The following MAGI2 variants were observed in gnomAD, a reference collection of about 807,000 sequenced individuals.
MAGI2 encodes membrane associated guanylate kinase, WW and PDZ domain containing 2.
Under a neutral mutation model 133.3 loss-of-function variants are expected in MAGI2, and 35 were observed. The observed-to-expected ratio is 0.26, with a 90% CI of 0.20 to 0.35. The LOEUF is 0.35. Among genes scored for constraint, MAGI2 ranks in the 10% least tolerant of loss-of-function variants. MAGI2 has a pLI of 1.00. For synonymous variants in MAGI2, 729 were observed against 710.6 expected, an observed-to-expected ratio of 1.03 and a Z score of -0.41; for missense variants, 1,636 against 1,863.4, an observed-to-expected ratio of 0.88 and a Z score of 2.25.
At chr7:78,031,852 G>A in intron 21 of MAGI2, among the ~76,000 whole-genome samples, 1 of 152,022 alleles carries the variant, frequency 6.6e-6, no homozygotes, top group Admixed American at 6.5e-5. Context: ...TACCTTCTGG[G>A]GTATTCATGA....
intron 2 of MAGI2, among the ~76,000 whole-genome samples, chr7:78,739,444 G>C (rs1354499639): frequency 1.3e-5 from 2 of 152,136 alleles, no homozygotes; most frequent in African/African-American, 4.8e-5. Flanking sequence ...ATAGAACGAG[G>C]TGCCACTACT....
chr7:79,022,056 A>T (rs1324191389), intron 1 of MAGI2, among the ~76,000 whole-genome samples: 1 of 152,114 alleles, frequency 6.6e-6, no homozygotes, highest in Admixed American at 6.6e-5. Context: ...GGTGCCCTCC[A>T]CCATGATTAT....
At chr7:78,174,903 C>A (rs1826445380) in intron 14 of MAGI2, among the ~76,000 whole-genome samples, 1 of 152,178 alleles carries the variant, frequency 6.6e-6, no homozygotes, top group African/African-American at 2.4e-5. Context: ...ACCCTGGACA[C>A]CAAAGCTTGG....
intron 9 of MAGI2, among the ~76,000 whole-genome samples, chr7:78,307,891 C>T (rs989980725): frequency 8.5e-5 from 13 of 152,090 alleles, no homozygotes; most frequent in African/African-American, 2.9e-4. Context: ...AAAAGAGGGG[C>T]CCTCATTATT....
chr7:78,373,830 A>C (rs1206341635), intron 6 of MAGI2, among the ~76,000 whole-genome samples: 1 of 152,126 alleles, frequency 6.6e-6, no homozygotes, highest in Non-Finnish European at 1.5e-5. Context: ...GCTCCCACTT[A>C]TAAGTGAGAA....
At chr7:78,845,858 G>A (rs563003669) in intron 2 of MAGI2, among the ~76,000 whole-genome samples, 2 of 151,994 alleles carry the variant, frequency 1.3e-5, no homozygotes, top group African/African-American at 4.8e-5. Flanking sequence ...GAACAGATTG[G>A]GTCAGAGGGG....
At chr7:79,428,489 A>C (rs924561003) in intron 1 of MAGI2, among the ~76,000 whole-genome samples, 4 of 152,156 alleles carry the variant, frequency 2.6e-5, no homozygotes, top group African/African-American at 9.7e-5. Context: ...GCTGATATTT[A>C]TTTTGTAGGA....
intron 2 of MAGI2, among the ~76,000 whole-genome samples, chr7:78,738,556 C>A (rs184854945): frequency 6.6e-6 from 1 of 152,162 alleles, no homozygotes; most frequent in Admixed American, 6.5e-5. Flanking sequence ...AATAAAACTG[C>A]AGGCTAATAT....
intron 1 of MAGI2, among the ~76,000 whole-genome samples, chr7:79,287,415 T>C (rs988495497): frequency 1.3e-5 from 2 of 152,034 alleles, no homozygotes; most frequent in Non-Finnish European, 2.9e-5. Context: ...CTTAGACGCC[T>C]CCCTCCCAAC....
At chr7:79,117,027 T>C (rs1427860061) in intron 1 of MAGI2, among the ~76,000 whole-genome samples, 2 of 152,200 alleles carry the variant, frequency 1.3e-5, no homozygotes, top group Non-Finnish European at 2.9e-5. Flanking sequence ...GAGTAATGAC[T>C]GTCTTGCAGT....
chr7:78,417,358 C>T (rs948114031), intron 6 of MAGI2, among the ~76,000 whole-genome samples: 18 of 151,712 alleles, frequency 1.2e-4, no homozygotes, highest in African/African-American at 3.9e-4. Context: ...TCATGATTGA[C>T]GGGTGTGTGG....
chr7:79,010,111 A>G (rs1025580197), intron 1 of MAGI2, among the ~76,000 whole-genome samples: 3 of 152,050 alleles, frequency 2.0e-5, no homozygotes, highest in Non-Finnish European at 2.9e-5. Context: ...ATATACACAT[A>G]TATACACATA....
At chr7:78,572,114 G>A (rs79787894) in intron 3 of MAGI2, among the ~76,000 whole-genome samples, 2,250 of 152,144 alleles carry the variant, frequency 0.015, 55 homozygotes, top group African/African-American at 0.048. Flanking sequence ...AGAGGCAATA[G>A]CAAATCATCG....
At chr7:78,261,032 G>C (rs923585307) in intron 9 of MAGI2, among the ~76,000 whole-genome samples, 1 of 152,038 alleles carries the variant, frequency 6.6e-6, no homozygotes, top group Non-Finnish European at 1.5e-5. Context: ...GTGGCCTACA[G>C]AATCTTCCTT....
intron 1 of MAGI2, among the ~76,000 whole-genome samples, chr7:79,026,828 C>T (rs1276654396): frequency 2.0e-5 from 3 of 148,374 alleles, no homozygotes; most frequent in East Asian, 2.0e-4. Context: ...AAGCCAAGAT[C>T]GGCAATCCAG....
chr7:78,288,950 C>T (rs777966675), intron 9 of MAGI2, among the ~76,000 whole-genome samples: 5 of 152,160 alleles, frequency 3.3e-5, no homozygotes, highest in Admixed American at 6.5e-5. Context: ...CCCATCTGTA[C>T]GTCACCATCA....
intron 1 of MAGI2, among the ~76,000 whole-genome samples, chr7:79,230,354 G>A (rs1585264701): frequency 6.6e-6 from 1 of 152,016 alleles, no homozygotes; most frequent in African/African-American, 2.4e-5. Flanking sequence ...CTAGATCCCT[G>A]AGGAATCGCC....
chr7:78,688,828 A>C (rs1409231057), intron 2 of MAGI2, among the ~76,000 whole-genome samples: 1 of 152,200 alleles, frequency 6.6e-6, no homozygotes, highest in African/African-American at 2.4e-5. Flanking sequence ...ACAACTGACA[A>C]ATGTGTCTCA....
chr7:79,382,061 C>T (rs1348178465), intron 1 of MAGI2, among the ~76,000 whole-genome samples: 1 of 151,586 alleles, frequency 6.6e-6, no homozygotes, highest in Non-Finnish European at 1.5e-5. Flanking sequence ...TTATTCCACC[C>T]TCTGTGACAG....
Sources: gnomAD v4.1 joint callset for allele counts (sites outside exome capture counted in the v4.1 genomes callset) on GRCh38, gnomAD v4.1.1 for gene constraint, MANE v1.5 for transcripts, NCBI Gene and HGNC (gene_info 2026-07-23, HGNC 2026-07-21) for gene names.